ADAMTS16: variants seen among roughly 807,000 people sequenced by gnomAD.
ADAMTS16 encodes ADAM metallopeptidase with thrombospondin type 1 motif 16.
Under a neutral mutation model 145.8 loss-of-function variants are expected in ADAMTS16, and 94 were observed. The ratio of observed to expected loss-of-function variants is 0.64; its 90% CI spans 0.55 to 0.77. The LOEUF (loss-of-function observed/expected upper bound fraction) is 0.77, where lower values mean the gene tolerates loss of function less well. Among genes scored for constraint, ADAMTS16 ranks in the 30% least tolerant of loss-of-function variants. ADAMTS16 has a pLI of 0.00. For missense variants in ADAMTS16, 1,585 were observed against 1,591.5 expected (o/e 1.00, Z 0.07); for synonymous variants, 659 against 604.3 (o/e 1.09, Z -1.33).
intron 4 of ADAMTS16, 100 bp downstream of exon 4, chr5:5,182,405 G>A (rs751455162): frequency 1.4e-6 from 2 of 1,467,126 alleles, no homozygotes; most frequent in Non-Finnish European, 1.8e-6. Context: ...TGCCCACGGG[G>A]TGAAATCTAT....
intron 18 of ADAMTS16, among the ~76,000 whole-genome samples, chr5:5,267,326 C>T (rs1000805479): frequency 7.9e-5 from 12 of 152,184 alleles, no homozygotes; most frequent in Admixed American, 2.0e-4. Context: ...ATCCCGAGGA[C>T]AGAGGGCTTT....
At chr5:5,181,725 T>G (rs913358107) in intron 3 of ADAMTS16, among the ~76,000 whole-genome samples, 1 of 152,206 alleles carries the variant, frequency 6.6e-6, no homozygotes, top group Non-Finnish European at 1.5e-5. Context: ...TGCACCGTCA[T>G]TACTTTTGGT....
Position 5,224,448 on chromosome 5 carries a change from C to A in ADAMTS16, c.1701+1564C>A, listed in dbSNP as rs575543483. Among the ~76,000 whole-genome samples, 6 of 152,210 alleles carry A rather than the reference C, an allele frequency of 3.9e-5. No individual in the cohort carries two copies. The South Asian group carries it at 1.0e-3, about 26-fold the overall frequency. ...GGGATTATAGGCGCCCGCCACCACA[C>A]CCAGCTAATTTTTGTATTTTTAGTA... On this transcript the variant is annotated intron_variant, in intron 11 of 22. Coordinates refer to ENST00000274181, the MANE Select transcript of ADAMTS16 (RefSeq NM_139056.4).
chr5:5,280,966 G>A (rs1037236958), intron 18 of ADAMTS16, among the ~76,000 whole-genome samples: 9 of 152,184 alleles, frequency 5.9e-5, no homozygotes, highest in African/African-American at 2.2e-4. Context: ...CTTCATGTTT[G>A]ATAAACATAC....
Position 5,314,507 on chromosome 5 carries a change from T to G in ADAMTS16, c.3412-3627T>G, listed in dbSNP as rs6885427. Among the ~76,000 whole-genome samples, 138 of 152,316 alleles carry G rather than the reference T, an allele frequency of 9.1e-4. 2 individuals are homozygous for G. Among genetic ancestry groups the G allele is most frequent in the Middle Eastern group, 3.4e-3 (1 of 294 alleles). On this transcript the variant is annotated intron_variant, in intron 21 of 22. Transcript: ENST00000274181. ...GTATTTGGGAGACTGAGGAACAACT[T>G]GGATTTTTTTCTTCCTGGAATGAAA...
In ADAMTS16 at chr5:5,267,558, C is replaced by T. The variant is rs144362584; in HGVS notation, c.2789+4775C>T. Among the ~76,000 whole-genome samples the T allele has an allele frequency of 6.2e-3, 942 of 152,232 alleles. 10 individuals are homozygous for T. Among genetic ancestry groups the T allele is most frequent in the African/African-American group, 0.019 (797 of 41,536 alleles). On this transcript the variant is annotated intron_variant, in intron 18 of 22. Coordinates refer to ENST00000274181, the MANE Select transcript of ADAMTS16 (RefSeq NM_139056.4). ...AGACAAACTCTGGTTGATGGCCTGC[C>T]GGCATCTGCTGGTGCCTGTCAGCGT...
At chr5:5,206,212 G>A (rs911616319) in intron 9 of ADAMTS16, among the ~76,000 whole-genome samples, 1 of 150,718 alleles carries the variant, frequency 6.6e-6, no homozygotes, top group Admixed American at 6.6e-5. Flanking sequence ...GGATCACGAG[G>A]TCAGGAGATC....
intron 7 of ADAMTS16, among the ~76,000 whole-genome samples, 161 bp downstream of exon 7, chr5:5,190,291 A>C (rs1403413885): frequency 2.0e-5 from 3 of 152,222 alleles, no homozygotes; most frequent in Admixed American, 6.5e-5. Flanking sequence ...TTAGCCAAAC[A>C]TAGAAGTACG....
intron 8 of ADAMTS16, among the ~76,000 whole-genome samples, chr5:5,192,673 G>T (rs1735696461): frequency 6.6e-6 from 1 of 152,162 alleles, no homozygotes; most frequent in African/African-American, 2.4e-5. Flanking sequence ...TAGGTTGGCG[G>T]TCTCAGCAAT....
intron 17 of ADAMTS16, among the ~76,000 whole-genome samples, chr5:5,253,212 G>A (rs1365474791): frequency 6.6e-6 from 1 of 152,208 alleles, no homozygotes; most frequent in Non-Finnish European, 1.5e-5. Context: ...TGAGACATGT[G>A]TCCAAGGTGG....
chr5:5,208,169 G>T (rs550242181), intron 9 of ADAMTS16, among the ~76,000 whole-genome samples: 1 of 152,084 alleles, frequency 6.6e-6, no homozygotes, highest in African/African-American at 2.4e-5. Context: ...TTTTATGCAC[G>T]GAGTCCTGAG....
At chr5:5,244,303 C>T (rs1441432761) in intron 17 of ADAMTS16, among the ~76,000 whole-genome samples, 2 of 152,126 alleles carry the variant, frequency 1.3e-5, no homozygotes, top group East Asian at 3.9e-4. Flanking sequence ...TCTTTCCTTC[C>T]CTAGTATCCC....
intron 18 of ADAMTS16, among the ~76,000 whole-genome samples, chr5:5,282,607 C>T (rs1170578052): frequency 6.6e-6 from 1 of 152,216 alleles, no homozygotes; most frequent in Non-Finnish European, 1.5e-5. Context: ...GCTTACTCCC[C>T]AACAGGGAAA....
At chr5:5,165,833 C>G (rs953906407) in intron 3 of ADAMTS16, among the ~76,000 whole-genome samples, 1 of 152,162 alleles carries the variant, frequency 6.6e-6, no homozygotes, top group African/African-American at 2.4e-5. Context: ...AGGTGACAAC[C>G]CCTCATGACC....
chr5:5,287,525 C>T (rs185909053), intron 18 of ADAMTS16, among the ~76,000 whole-genome samples: 7 of 152,216 alleles, frequency 4.6e-5, no homozygotes, highest in Non-Finnish European at 7.4e-5. Flanking sequence ...CAAGGAAATT[C>T]GACTCCCAGT....
intron 3 of ADAMTS16, among the ~76,000 whole-genome samples, chr5:5,167,192 A>T (rs962396693): frequency 6.6e-6 from 1 of 152,136 alleles, no homozygotes; most frequent in Non-Finnish European, 1.5e-5. Context: ...CTTCATGAGG[A>T]TGAGGATATT....
chr5:5,267,026 A>C (rs767225456), intron 18 of ADAMTS16, among the ~76,000 whole-genome samples: 2 of 152,170 alleles, frequency 1.3e-5, no homozygotes, highest in African/African-American at 4.8e-5. Flanking sequence ...CAGAATTTTC[A>C]TACTAAATAT....
At chr5:5,163,895 G>A (rs1215803623) in intron 3 of ADAMTS16, among the ~76,000 whole-genome samples, 1 of 152,210 alleles carries the variant, frequency 6.6e-6, no homozygotes, top group Non-Finnish European at 1.5e-5. Context: ...CAGGGCTGAG[G>A]AGAAAAACAA....
At position 5,309,549 on chromosome 5, in the gene ADAMTS16, T is replaced by C. The variant is rs76794750; in HGVS notation, c.3411+2821T>C. Among the ~76,000 whole-genome samples the C allele has an allele frequency of 9.5e-3, 1,444 of 152,320 alleles. 25 individuals are homozygous for C. Among genetic ancestry groups the C allele is most frequent in the African/African-American group, 0.033 (1,390 of 41,558 alleles). On this transcript the variant is annotated intron_variant, in intron 21 of 22. Coordinates refer to ENST00000274181, the MANE Select transcript of ADAMTS16 (RefSeq NM_139056.4). ...AGCGGGTCCCGGCAGCTACTAATAT[T>C]CCGTCTTTAGAGAAGTTTCCTCCTG... is the stretch of plus-strand genomic sequence containing the variant.
Sources: allele counts gnomAD v4.1 joint callset (sites outside exome capture counted in the v4.1 genomes callset), GRCh38; gene constraint gnomAD v4.1.1; transcripts MANE v1.5; gene names NCBI Gene and HGNC (gene_info 2026-07-23, HGNC 2026-07-21).